Variants in PPP2R2B observed in about 807,000 individuals in gnomAD.
PPP2R2B encodes protein phosphatase 2 regulatory subunit Bbeta.
A neutral mutation model predicts 46.0 loss-of-function variants in PPP2R2B; 5 were observed. The observed-to-expected ratio is 0.11, with a 90% CI of 0.06 to 0.23. The LOEUF (loss-of-function observed/expected upper bound fraction) is 0.23. Ranked by LOEUF, PPP2R2B falls within the 10% of genes least tolerant of loss-of-function variation. PPP2R2B has a pLI of 1.00. For synonymous variants in PPP2R2B, 215 were observed against 206.7 expected (o/e 1.04, Z -0.34); for missense variants, 367 against 575.0 (o/e 0.64, Z 3.70).
rs767503026 is a variant in PPP2R2B, at chr5:146,587,588, T to TGAA, written c.*2356_*2358dup. On this transcript the variant is annotated 3_prime_UTR_variant, in exon 10 of 10. Transcript: ENST00000394411. ...GGGCAGCCCTGCTGACTCTAATATG[T>TGAA]GAAGAACCACCATCTTTGATGCCCC... 2 of 152,220 alleles carry TGAA rather than the reference T, an allele frequency of 1.3e-5. No individual in the cohort carries two copies. Among genetic ancestry groups the TGAA allele is most frequent in the Non-Finnish European group, 2.9e-5 (2 of 68,038 alleles). 9.4% of individuals were successfully genotyped at this position (152,220 alleles called of 1,614,324 possible).
chr5:146,616,843 A>G (rs562009540), intron 7 of PPP2R2B: 1 of 152,378 alleles, frequency 6.6e-6, no homozygotes. Context: ...TTGAGCTACT[A>G]TATGATCCAG....
intron 7 of PPP2R2B, among the ~76,000 whole-genome samples, chr5:146,635,229 G>C (rs1475235148): frequency 6.6e-6 from 1 of 151,864 alleles, no homozygotes; most frequent in Non-Finnish European, 1.5e-5. Flanking sequence ...GAGTATCAGA[G>C]CTGAGTTCTG....
At chr5:146,902,301 A>G (rs540247331) in intron 1 of PPP2R2B, among the ~76,000 whole-genome samples, 10 of 152,210 alleles carry the variant, frequency 6.6e-5, no homozygotes, top group African/African-American at 2.4e-4. Context: ...GCATTGTTTT[A>G]TTTCCTCACC....
chr5:147,021,597 A>G (rs777190903), intron 1 of PPP2R2B, among the ~76,000 whole-genome samples: 2 of 152,204 alleles, frequency 1.3e-5, no homozygotes, highest in African/African-American at 2.4e-5. Context: ...AAGAAAGGCT[A>G]TACCTTAGCA....
At chr5:146,793,963 T>C (rs1194130222) in intron 2 of PPP2R2B, among the ~76,000 whole-genome samples, 1 of 152,218 alleles carries the variant, frequency 6.6e-6, no homozygotes, top group Non-Finnish European at 1.5e-5. Context: ...TGCCTAGACA[T>C]TGATTCAGTA....
At chr5:146,888,098 A>G (rs1273868787) in intron 1 of PPP2R2B, among the ~76,000 whole-genome samples, 1 of 152,016 alleles carries the variant, frequency 6.6e-6, no homozygotes, top group African/African-American at 2.4e-5. Context: ...CTCACTTGGT[A>G]GCTCCTCACT....
intron 2 of PPP2R2B, among the ~76,000 whole-genome samples, chr5:146,760,349 T>C (rs1441612574): frequency 6.6e-6 from 1 of 152,202 alleles, no homozygotes; most frequent in African/African-American, 2.4e-5. Context: ...AAAATTAAGC[T>C]TGTCTGCCTC....
Position 146,627,949 on chromosome 5 carries a change from AT to A in PPP2R2B, c.790+10301del, listed in dbSNP as rs536894043. Among the ~76,000 whole-genome samples, 1,364 of 145,442 alleles carry A rather than the reference AT, an allele frequency of 9.4e-3. 24 individuals are homozygous for A. The highest frequency in any genetic ancestry group is 0.027 in the African/African-American group (1,097 of 39,938). ...TACACTGTTCACAGAAACATCTCAG[AT>A]TTTTTTTTTTTTGAGATGGAGTCTC... On this transcript the variant is annotated intron_variant, in intron 7 of 9. Transcript: ENST00000394411.
intron 1 of PPP2R2B, among the ~76,000 whole-genome samples, chr5:146,930,027 A>G (rs1378546938): frequency 6.6e-6 from 1 of 152,210 alleles, no homozygotes; most frequent in East Asian, 1.9e-4. Flanking sequence ...GTCTCACAGA[A>G]TTTATGTTCT....
intron 2 of PPP2R2B, among the ~76,000 whole-genome samples, chr5:146,764,408 T>A (rs938510010): frequency 6.6e-6 from 1 of 152,242 alleles, no homozygotes; most frequent in South Asian, 2.1e-4. Flanking sequence ...GCGCTATTTC[T>A]TCATTCCTTT....
intron 5 of PPP2R2B, among the ~76,000 whole-genome samples, chr5:146,665,111 C>T (rs1005561976): frequency 3.3e-5 from 5 of 152,190 alleles, no homozygotes; most frequent in Admixed American, 1.3e-4. Context: ...TGAACATTAG[C>T]TTCAACTTAA....
At chr5:146,594,230 C>G (rs551014953) in intron 8 of PPP2R2B, among the ~76,000 whole-genome samples, 1 of 152,270 alleles carries the variant, frequency 6.6e-6, no homozygotes, top group East Asian at 1.9e-4. Flanking sequence ...GTGAAAGCAG[C>G]CAGCATGGTT....
chr5:146,808,349 A>C (rs1008758176), intron 2 of PPP2R2B, among the ~76,000 whole-genome samples: 1 of 152,334 alleles, frequency 6.6e-6, no homozygotes, highest in African/African-American at 2.4e-5. Context: ...TTCCATCGTC[A>C]GAGCAAGTTC....
intron 2 of PPP2R2B, among the ~76,000 whole-genome samples, chr5:146,708,339 A>C (rs1215405072): frequency 6.7e-6 from 1 of 149,674 alleles, no homozygotes; most frequent in Non-Finnish European, 1.5e-5. Flanking sequence ...CCTGGGCGAC[A>C]GAGCCAGACT....
At chr5:146,844,625 A>T (rs1030858183) in intron 2 of PPP2R2B, among the ~76,000 whole-genome samples, 18 of 152,230 alleles carry the variant, frequency 1.2e-4, no homozygotes, top group African/African-American at 4.3e-4. Flanking sequence ...TTTTGAAAAC[A>T]AATTTAAGAT....
chr5:147,055,542 GC>G, intron 1 of PPP2R2B: 1 of 829,072 alleles, frequency 1.2e-6, no homozygotes, highest in Admixed American at 2.2e-5. Flanking sequence ...TTGGATACAA[GC>G]TTTTGCCAGG....
intron 2 of PPP2R2B, among the ~76,000 whole-genome samples, chr5:146,834,123 T>C (rs1474053193): frequency 1.3e-5 from 2 of 152,214 alleles, no homozygotes; most frequent in African/African-American, 4.8e-5. Context: ...TTCTTGTTAT[T>C]TATGATAAAT....
chr5:146,972,036 C>G (rs1209363798), intron 1 of PPP2R2B, among the ~76,000 whole-genome samples: 2 of 152,108 alleles, frequency 1.3e-5, no homozygotes, highest in Non-Finnish European at 2.9e-5. Context: ...ATCTAGGAGG[C>G]AATATTGCAT....
chr5:146,745,194 GAGAGAGAGAGAGAA>G lies in PPP2R2B; in HGVS notation c.71-44066_71-44053del, dbSNP rs1187174575. Among the ~76,000 whole-genome samples, 379 of 139,482 alleles carry G rather than the reference GAGAGAGAGAGAGAA, an allele frequency of 2.7e-3. 3 individuals carry two copies. Among genetic ancestry groups the G allele is most frequent in the South Asian group, 4.6e-3 (18 of 3,956 alleles). 91.5% of individuals were successfully genotyped at this position (139,482 alleles called of 152,430 possible). ...AGAGAGAGAGAGAGAGAGAGAGAGA[GAGAGAGAGAGAGAA>G]AGAGACTATAAGCATGGAATGATGT... On this transcript the variant is annotated intron_variant, in intron 2 of 9. Transcript: ENST00000394411.
Sources: gnomAD v4.1 joint callset for allele counts (sites outside exome capture counted in the v4.1 genomes callset) on GRCh38, gnomAD v4.1.1 for gene constraint, MANE v1.5 for transcripts, NCBI Gene and HGNC (gene_info 2026-07-23, HGNC 2026-07-21) for gene names.